Variants in ARK2C observed in about 807,000 individuals in gnomAD.
The protein encoded by ARK2C is arkadia (RNF111) C-terminal like ring finger ubiquitin ligase 2C.
At chr18:46,444,970 T>A in the ARK2C span, among the ~76,000 whole-genome samples, 2 of 152,198 alleles carry the variant, frequency 1.3e-5, no homozygotes, top group South Asian at 4.1e-4. Flanking sequence ...TTTTCTTTTG[T>A]ATATTTGAAT....
At chr18:46,395,119 T>A in the ARK2C span, among the ~76,000 whole-genome samples, 2 of 152,232 alleles carry the variant, frequency 1.3e-5, no homozygotes, top group Non-Finnish European at 2.9e-5. Context: ...GACTCCCATT[T>A]TATGGAGCTA....
the ARK2C span, among the ~76,000 whole-genome samples, chr18:46,444,615 C>A: frequency 6.6e-6 from 1 of 151,858 alleles, no homozygotes; most frequent in Non-Finnish European, 1.5e-5. Flanking sequence ...GAGGACACAC[C>A]ACCATACCCA....
the ARK2C span, among the ~76,000 whole-genome samples, chr18:46,363,772 T>C: frequency 1.0e-3 from 156 of 152,256 alleles, no homozygotes; most frequent in African/African-American, 3.5e-3. Context: ...ACATACTTTT[T>C]AAGGTTGGGT....
chr18:46,428,192 C>A, the ARK2C span, among the ~76,000 whole-genome samples: 4 of 151,912 alleles, frequency 2.6e-5, no homozygotes, highest in Non-Finnish European at 5.9e-5. Flanking sequence ...TGGCGGACCA[C>A]GAGGTCAGGA....
the ARK2C span, among the ~76,000 whole-genome samples, chr18:46,375,760 G>T: frequency 6.6e-6 from 1 of 151,984 alleles, no homozygotes; most frequent in Non-Finnish European, 1.5e-5. Flanking sequence ...TTTTGAGGTG[G>T]GAGCAGCACA....
At chr18:46,400,318 C>G in the ARK2C span, among the ~76,000 whole-genome samples, 1 of 152,194 alleles carries the variant, frequency 6.6e-6, no homozygotes, top group Admixed American at 6.5e-5. Flanking sequence ...ATGACAGGAA[C>G]CTGATTGTTC....
At chr18:46,371,168 G>T in the ARK2C span, among the ~76,000 whole-genome samples, 1 of 152,180 alleles carries the variant, frequency 6.6e-6, no homozygotes, top group African/African-American at 2.4e-5. Flanking sequence ...CATGAGAACA[G>T]TACAGGGGAA....
the ARK2C span, among the ~76,000 whole-genome samples, chr18:46,383,010 C>T: frequency 2.0e-5 from 3 of 152,276 alleles, no homozygotes; most frequent in East Asian, 3.8e-4. Context: ...TCTGGAACCT[C>T]ATGCACCCCC....
At chr18:46,433,198 T>G in the ARK2C span, 2 of 1,579,836 alleles carry the variant, frequency 1.3e-6, no homozygotes, top group East Asian at 2.3e-5. Flanking sequence ...AGGTGCCCCC[T>G]TTCAAAGGTC....
the ARK2C span, among the ~76,000 whole-genome samples, chr18:46,446,414 T>C: frequency 6.6e-6 from 1 of 152,142 alleles, no homozygotes; most frequent in Non-Finnish European, 1.5e-5. Context: ...CTCATGCCTG[T>C]AATCTCAGCA....
the ARK2C span, chr18:46,334,390 G>C: frequency 1.3e-6 from 2 of 1,508,088 alleles, no homozygotes; most frequent in South Asian, 1.2e-5. The surrounding 1 kb of genome is among the most constrained non-coding windows in gnomAD (Gnocchi z 4.4). Flanking sequence ...CGCAGGCACC[G>C]GGGCGGGGGC....
chr18:46,441,673 G>A, the ARK2C span, among the ~76,000 whole-genome samples: 1 of 151,806 alleles, frequency 6.6e-6, no homozygotes, highest in Non-Finnish European at 1.5e-5. Flanking sequence ...CAGATCATGA[G>A]GTCAGGAGAT....
chr18:46,394,504 A>C, the ARK2C span, among the ~76,000 whole-genome samples: 1 of 152,020 alleles, frequency 6.6e-6, no homozygotes, highest in African/African-American at 2.4e-5. Context: ...TCCATCCTCC[A>C]CCTTCCCCCC....
chr18:46,396,077 A>T, the ARK2C span, among the ~76,000 whole-genome samples: 4 of 152,320 alleles, frequency 2.6e-5, no homozygotes, highest in South Asian at 8.3e-4. Flanking sequence ...CAAAGGCAGG[A>T]ATCTTAGAGA....
At chr18:46,443,178 T>A in the ARK2C span, among the ~76,000 whole-genome samples, 7 of 152,314 alleles carry the variant, frequency 4.6e-5, no homozygotes, top group South Asian at 1.5e-3. Context: ...CTTTCTTTTC[T>A]CTTTCTTCCA....
the ARK2C span, among the ~76,000 whole-genome samples, chr18:46,405,229 C>A: frequency 6.6e-6 from 1 of 152,128 alleles, no homozygotes; most frequent in Non-Finnish European, 1.5e-5. Context: ...ATGTGTAGCT[C>A]AGAGGTCAGC....
chr18:46,349,204 C>T, the ARK2C span, among the ~76,000 whole-genome samples: 224 of 152,206 alleles, frequency 1.5e-3, 3 homozygotes, highest in South Asian at 0.045. Context: ...AACAAAATGC[C>T]ATAGACTGGG....
the ARK2C span, among the ~76,000 whole-genome samples, chr18:46,454,248 CA>C: frequency 0.021 from 3,071 of 149,646 alleles, 64 homozygotes; most frequent in Admixed American, 0.05. Context: ...ATAATGATGG[CA>C]AAAAAATAGT....
chr18:46,383,965 C>G, the ARK2C span, among the ~76,000 whole-genome samples: 1 of 152,250 alleles, frequency 6.6e-6, no homozygotes, highest in Admixed American at 6.5e-5. Context: ...TTAGGGAAGT[C>G]TGTCAGACAA....
Sources: allele counts gnomAD v4.1 joint callset (sites outside exome capture counted in the v4.1 genomes callset), GRCh38; gene constraint gnomAD v4.1.1; non-coding constraint Gnocchi (gnomAD v3.1); transcripts MANE v1.5; gene names NCBI Gene and HGNC (gene_info 2026-07-23, HGNC 2026-07-21).